DOK6: variants seen among roughly 807,000 people sequenced by gnomAD.
DOK6 encodes downstream of tyrosine kinase 6.
A neutral mutation model predicts 44.0 loss-of-function variants in DOK6; 22 were observed. The observed-to-expected ratio is 0.50, with a 90% CI of 0.36 to 0.71. DOK6 has a LOEUF of 0.71. DOK6 is among the 30% of genes least tolerant of loss of function. The pLI is 0.00. For synonymous variants in DOK6, 166 were observed against 145.5 expected (o/e 1.14, Z -1.01); for missense variants, 340 against 416.4 (o/e 0.82, Z 1.60).
At chr18:69,624,924 T>C (rs1007229265) in intron 3 of DOK6, among the ~76,000 whole-genome samples, 2 of 152,138 alleles carry the variant, frequency 1.3e-5, no homozygotes, top group African/African-American at 4.8e-5. Context: ...AGATTAACAT[T>C]ATTTTAAAGT....
chr18:69,643,356 G>A (rs1017292547), intron 3 of DOK6, among the ~76,000 whole-genome samples: 3 of 152,160 alleles, frequency 2.0e-5, no homozygotes, highest in Admixed American at 2.0e-4. Context: ...AAACAACACA[G>A]CCAAGATACT....
At chr18:69,666,631 A>G (rs934670753) in intron 3 of DOK6, among the ~76,000 whole-genome samples, 1 of 152,108 alleles carries the variant, frequency 6.6e-6, no homozygotes, top group African/African-American at 2.4e-5. Flanking sequence ...ATATTGGCCT[A>G]TTTATGGTGT....
intron 4 of DOK6, among the ~76,000 whole-genome samples, chr18:69,693,529 G>A (rs1162475072): frequency 2.0e-5 from 3 of 152,166 alleles, no homozygotes; most frequent in Admixed American, 1.3e-4. Flanking sequence ...CTGAACAGAC[G>A]TCTGTTTTCC....
In DOK6 at chr18:69,659,886, A is replaced by G. The variant is rs187442371; in HGVS notation, c.290-17848A>G. The G allele has an allele frequency of 2.1e-5, 3 of 140,816 alleles. 1 individual carries two copies. In the Admixed American group the frequency reaches 2.2e-4, roughly 10 times the overall value. 8.7% of individuals were successfully genotyped at this position (140,816 alleles called of 1,614,324 possible). ...TATATAAAACATATATGTATGTTTT[A>G]TATATATAACATATATGTATGTTTT... On this transcript the variant is annotated intron_variant, in intron 3 of 7. Transcript: ENST00000382713.
Position 69,599,404 on chromosome 18 carries a change from C to G in DOK6, c.195C>G (p.Ile65Met). ...TCAAGGTAACTGAACTGCACAATAT[C>G]AAAAATATAACCAGACTGCCCCGAG... ...NFHKVTELHN[I>M]KNITRLPRET... The change falls in exon 3 of 8, where the codon ATC becomes ATG. Residue 65 changes from isoleucine (I) to methionine (M), a missense_variant. Physicochemically the swap from Ile to Met is conservative, Grantham distance 10. This residue lies in a region of DOK6 where 206 missense variants were observed against 258.6 expected (regional missense o/e 0.80). Transcript: ENST00000382713. 1.2e-6 allele frequency: 2 copies of G among 1,613,338 alleles called. No individual in the cohort carries two copies. The highest frequency in any genetic ancestry group is 1.7e-6 in the Non-Finnish European group (2 of 1,179,764).
At chr18:69,433,709 C>T (rs976283870) in intron 1 of DOK6, among the ~76,000 whole-genome samples, 4 of 151,964 alleles carry the variant, frequency 2.6e-5, no homozygotes, top group South Asian at 4.1e-4. Flanking sequence ...TTATTCTTCC[C>T]TTCTAAAAAC....
rs79115696 is a variant in DOK6, at chr18:69,433,200, T to G, written c.66+31890T>G. ...AGTTATAATTAGAACACATCCACAATTTTTAGGAGATCTGTTAGCATTTTA... is the reference window on the plus strand; with the variant it reads ...AGTTATAATTAGAACACATCCACAAGTTTTAGGAGATCTGTTAGCATTTTA... On this transcript the variant is annotated intron_variant, in intron 1 of 7. Coordinates refer to ENST00000382713, the MANE Select transcript of DOK6 (RefSeq NM_152721.6). Among the ~76,000 whole-genome samples the G allele has an allele frequency of 6.9e-3, 1,045 of 152,310 alleles. 3 individuals carry two copies. Among genetic ancestry groups the G allele is most frequent in the Non-Finnish European group, 0.011 (762 of 68,006 alleles).
intron 3 of DOK6, among the ~76,000 whole-genome samples, chr18:69,622,961 A>G (rs1458957827): frequency 3.9e-5 from 6 of 152,172 alleles, no homozygotes; most frequent in South Asian, 2.1e-4. Context: ...CACTATTTCC[A>G]TGTGATATGG....
At chr18:69,623,764 A>T (rs934283036) in intron 3 of DOK6, among the ~76,000 whole-genome samples, 16 of 152,214 alleles carry the variant, frequency 1.1e-4, no homozygotes, top group African/African-American at 3.9e-4. Flanking sequence ...TTATAATGTC[A>T]TTATTTTCAT....
intron 5 of DOK6, among the ~76,000 whole-genome samples, chr18:69,726,615 G>GTATA (rs138163204): frequency 4.6e-5 from 7 of 151,428 alleles, no homozygotes; most frequent in South Asian, 2.1e-4. Context: ...ACAACAAATT[G>GTATA]TATATATATA....
At chr18:69,605,138 G>A (rs950078911) in intron 3 of DOK6, among the ~76,000 whole-genome samples, 1 of 147,924 alleles carries the variant, frequency 6.8e-6, no homozygotes, top group Admixed American at 6.8e-5. Context: ...TTCAGAATCA[G>A]CTGAGACCAA....
At chr18:69,541,827 T>C (rs536358031) in intron 1 of DOK6, among the ~76,000 whole-genome samples, 73 of 151,758 alleles carry the variant, frequency 4.8e-4, no homozygotes, top group African/African-American at 1.7e-3. Flanking sequence ...AACAATTCCT[T>C]CCTTGAAAAC....
intron 6 of DOK6, among the ~76,000 whole-genome samples, chr18:69,743,677 T>C (rs941115068): frequency 1.3e-5 from 2 of 149,826 alleles, no homozygotes; most frequent in Non-Finnish European, 3.0e-5. Flanking sequence ...AAAAAAAAGA[T>C]TTTTTTTTTC....
At chr18:69,683,091 T>C (rs1986078210) in intron 4 of DOK6, among the ~76,000 whole-genome samples, 1 of 151,844 alleles carries the variant, frequency 6.6e-6, no homozygotes, top group Admixed American at 6.6e-5. Context: ...ATATTCTTTA[T>C]AACCAAACAA....
Position 69,575,514 on chromosome 18 carries a change from G to A in DOK6, c.174+10920G>A, listed in dbSNP as rs184860771. Among the ~76,000 whole-genome samples the A allele has an allele frequency of 5.6e-4, 85 of 152,104 alleles. 1 individual carries two copies. Among genetic ancestry groups the A allele is most frequent in the Admixed American group, 2.8e-3 (42 of 15,262 alleles). ...TGGTATCAGCCTTAGAGTAACATCC[G>A]TGGTATTTCACAGGTATTTCAATTC... is the stretch of plus-strand genomic sequence containing the variant. On this transcript the variant is annotated intron_variant, in intron 2 of 7. Transcript: ENST00000382713.
chr18:69,656,843 C>T (rs1407910194), intron 3 of DOK6, among the ~76,000 whole-genome samples: 5 of 152,066 alleles, frequency 3.3e-5, no homozygotes, highest in Non-Finnish European at 7.4e-5. Context: ...CATCAATATA[C>T]CTGGGAGCTT....
At chr18:69,539,482 T>C (rs79048060) in intron 1 of DOK6, among the ~76,000 whole-genome samples, 18 of 150,792 alleles carry the variant, frequency 1.2e-4, no homozygotes, top group African/African-American at 3.7e-4. Flanking sequence ...TTTTTTTTTT[T>C]CCACATATAG....
At chr18:69,523,954 A>G (rs1036845) in intron 1 of DOK6, among the ~76,000 whole-genome samples, 92,898 of 151,298 alleles carry the variant, frequency 0.61, 29,162 homozygotes, top group Non-Finnish European at 0.69. Flanking sequence ...AAGCTTTTTC[A>G]AGTTCGTATT....
intron 1 of DOK6, among the ~76,000 whole-genome samples, chr18:69,477,103 T>C (rs1980287871): frequency 6.6e-6 from 1 of 152,214 alleles, no homozygotes; most frequent in African/African-American, 2.4e-5. Flanking sequence ...ATAGATTTGG[T>C]ATATGGATGA....
Sources: allele counts gnomAD v4.1 joint callset (sites outside exome capture counted in the v4.1 genomes callset), GRCh38; gene constraint gnomAD v4.1.1; regional missense constraint gnomAD v4.1.1; transcripts MANE v1.5; gene names NCBI Gene and HGNC (gene_info 2026-07-23, HGNC 2026-07-21).